The following VRTN variants were observed in gnomAD, a reference collection of about 807,000 sequenced individuals.
VRTN encodes the protein vertnin.
Under a neutral mutation model 18.2 loss-of-function variants are expected in VRTN, and 5 were observed. The ratio of observed to expected loss-of-function variants is 0.27; its 90% CI spans 0.14 to 0.58. The LOEUF (loss-of-function observed/expected upper bound fraction) is 0.58. Ranked by LOEUF, VRTN falls within the 20% of genes least tolerant of loss-of-function variation. The pLI, the probability that VRTN is intolerant of heterozygous loss-of-function variation, is 0.91. For synonymous variants in VRTN, 381 were observed against 393.7 expected, an observed-to-expected ratio of 0.97 and a Z score of 0.38; for missense variants, 741 against 939.4, an observed-to-expected ratio of 0.79 and a Z score of 2.76.
intron 1 of VRTN, among the ~76,000 whole-genome samples, chr14:74,317,682 A>G (rs1459468115): frequency 6.6e-6 from 1 of 152,070 alleles, no homozygotes; most frequent in African/African-American, 2.4e-5. Flanking sequence ...GGTGCCTATA[A>G]TACCAGCTAC....
chr14:74,347,365 C>T (rs1049058880), upstream of VRTN, among the ~76,000 whole-genome samples: 2 of 152,230 alleles, frequency 1.3e-5, no homozygotes, highest in African/African-American at 4.8e-5. Context: ...AGGAACTGGA[C>T]TTGAGTTCAA....
At chr14:74,307,759 C>T (rs990624962) in intron 1 of VRTN, among the ~76,000 whole-genome samples, 29 of 151,536 alleles carry the variant, frequency 1.9e-4, no homozygotes, top group African/African-American at 7.0e-4. Flanking sequence ...GAGATGGAGT[C>T]TCGCTCTGTT....
At chr14:74,335,071 C>T (rs2085554770) in intron 1 of VRTN, among the ~76,000 whole-genome samples, 1 of 152,116 alleles carries the variant, frequency 6.6e-6, no homozygotes, top group Non-Finnish European at 1.5e-5. Flanking sequence ...CACTTGAGGT[C>T]AGGAGTTTGA....
At position 74,355,288 on chromosome 14, in the gene VRTN, T is replaced by A. The variant is rs149397391; in HGVS notation, c.-1-1495T>A. Among the ~76,000 whole-genome samples, 196 of 152,328 alleles carry A rather than the reference T, an allele frequency of 1.3e-3. 1 individual carries two copies. Among genetic ancestry groups the A allele is most frequent in the African/African-American group, 4.5e-3 (185 of 41,566 alleles). ...CTTCATTCATTTTTGAGAAAATATC[T>A]GCCAAATATATCCAAATCTGAATGA... On this transcript the variant is annotated intron_variant, in intron 1 of 1. Transcript: ENST00000256362.
At chr14:74,333,500 A>G (rs2085542660) in intron 1 of VRTN, among the ~76,000 whole-genome samples, 1 of 151,686 alleles carries the variant, frequency 6.6e-6, no homozygotes, top group Admixed American at 6.6e-5. Context: ...AAAGGAAAAA[A>G]GAAAAGCAAG....
intron 1 of VRTN, among the ~76,000 whole-genome samples, chr14:74,352,279 A>G (rs1028358256): frequency 6.6e-6 from 1 of 151,846 alleles, no homozygotes; most frequent in African/African-American, 2.4e-5. Flanking sequence ...CCCAGGTTCA[A>G]CCAATTCTTC....
Position 74,356,779 on chromosome 14 carries a change from G to A in VRTN, c.-1-4G>A, listed in dbSNP as rs1265164369. ...TACTGCCCCTTTATCTTTTGCCCTG[G>A]CAGGATGACTTCTCGGAACCAGCTG... is the stretch of plus-strand genomic sequence containing the variant. On this transcript the variant is annotated splice_polypyrimidine_tract_variant and splice_region_variant and intron_variant, in intron 1 of 1. Coordinates refer to ENST00000256362, the MANE Select transcript of VRTN (RefSeq NM_018228.3). The A allele has an allele frequency of 1.9e-6, 3 of 1,580,062 alleles. No individual in the cohort carries two copies. In the East Asian group the frequency reaches 6.7e-5, roughly 36 times the overall value.
intron 1 of VRTN, among the ~76,000 whole-genome samples, chr14:74,335,564 C>T (rs1237726000): frequency 6.6e-6 from 1 of 151,968 alleles, no homozygotes; most frequent in Non-Finnish European, 1.5e-5. Flanking sequence ...CTGTAATGAA[C>T]CTATATTATT....
chr14:74,321,152 T>A (rs2085453639), intron 1 of VRTN, among the ~76,000 whole-genome samples: 1 of 152,094 alleles, frequency 6.6e-6, no homozygotes, highest in Non-Finnish European at 1.5e-5. Context: ...GGACAAGTAA[T>A]GTGTCAGTAA....
chr14:74,329,495 C>G (rs1297203647), intron 1 of VRTN, among the ~76,000 whole-genome samples: 1 of 152,000 alleles, frequency 6.6e-6, no homozygotes, highest in Middle Eastern at 3.2e-3. Flanking sequence ...AACTCCTGGG[C>G]TCAAGAATTG....
In VRTN at chr14:74,357,348, T is replaced by A; in HGVS notation, c.565T>A (p.Ser189Thr). 6.2e-7 allele frequency: 1 copy of A among 1,613,970 alleles called. No individual in the cohort carries two copies. The highest frequency in any genetic ancestry group is 8.5e-7 in the Non-Finnish European group (1 of 1,179,994). Residue 189 changes from serine (S) to threonine (T), a missense_variant, in exon 2 of 2, where the codon TCC becomes ACC. Ser to Thr is a moderately conservative substitution (Grantham distance 58, BLOSUM62 1). Coordinates refer to ENST00000256362, the MANE Select transcript of VRTN (RefSeq NM_018228.3). This position sits in a 1 kb window ranked among gnomAD's most constrained non-coding sequence, Gnocchi z 7.8. ...LASVLQRNIY[S>T]IYPMRNLKIR... ...CTCTGTCCTCCAGCGGAACATCTAC[T>A]CCATCTACCCCATGCGCAACCTCAA...
chr14:74,321,505 CTT>C (rs564056249), intron 1 of VRTN, among the ~76,000 whole-genome samples: 22 of 129,092 alleles, frequency 1.7e-4, no homozygotes, highest in Admixed American at 1.6e-4. Flanking sequence ...CTTTCATTTG[CTT>C]TTTTTTTTTT....
intron 1 of VRTN, among the ~76,000 whole-genome samples, chr14:74,321,594 C>T (rs190800993): frequency 1.5e-3 from 230 of 151,450 alleles, no homozygotes; most frequent in African/African-American, 5.2e-3. Flanking sequence ...CAACCTCCAC[C>T]TCCTGGGTTC....
rs544236298 is a variant in VRTN, at chr14:74,349,078, T to C, written c.-2+426T>C. 2.6e-4 allele frequency among the ~76,000 whole-genome samples: 40 copies of C among 152,244 alleles called. No homozygotes were observed. In the East Asian group the frequency reaches 6.9e-3, roughly 26 times the overall value. The stretch of plus-strand genomic sequence containing the variant: ...ACCGGGAGCCTGTGCTGCTTCCCCT[T>C]GTGGGCTGCACTCTTCCTCCCTTCC... On this transcript the variant is annotated intron_variant, in intron 1 of 1. Transcript: ENST00000256362.
intron 1 of VRTN, among the ~76,000 whole-genome samples, chr14:74,333,180 C>T (rs192969822): frequency 0.018 from 2,661 of 152,002 alleles, 80 homozygotes; most frequent in Admixed American, 0.088. Context: ...GTCGGGAGTT[C>T]GAGACCAGCC....
intron 1 of VRTN, among the ~76,000 whole-genome samples, chr14:74,324,184 C>T (rs1376911820): frequency 2.6e-5 from 4 of 151,350 alleles, no homozygotes; most frequent in East Asian, 2.0e-4. Context: ...GTCAGGAGTT[C>T]GAGACCAGCC....
At chr14:74,303,692 C>T (rs968668172) in intron 1 of VRTN, among the ~76,000 whole-genome samples, 3 of 152,060 alleles carry the variant, frequency 2.0e-5, no homozygotes, top group Non-Finnish European at 2.9e-5. Context: ...TCCCACAGGT[C>T]CCTAAATTTG....
At chr14:74,331,016 A>C (rs773816902) in intron 1 of VRTN, among the ~76,000 whole-genome samples, 8 of 150,806 alleles carry the variant, frequency 5.3e-5, no homozygotes, top group South Asian at 2.1e-4. Context: ...TGGCTAACAC[A>C]GTGAAACCCC....
chr14:74,332,346 T>TG (rs2085532585), intron 1 of VRTN, among the ~76,000 whole-genome samples: 6 of 30,036 alleles, frequency 2.0e-4, no homozygotes, highest in East Asian at 4.9e-3. Flanking sequence ...TTTTTTTTTT[T>TG]TTTTTTTTTT....
Sources: allele counts gnomAD v4.1 joint callset (sites outside exome capture counted in the v4.1 genomes callset), GRCh38; gene constraint gnomAD v4.1.1; non-coding constraint Gnocchi (gnomAD v3.1); transcripts MANE v1.5; gene names NCBI Gene and HGNC (gene_info 2026-07-23, HGNC 2026-07-21).